Variants in AFG2A observed in about 807,000 individuals in gnomAD.
AFG2A encodes the protein AAA ATPase AFG2A.
At chr4:123,026,243 C>G in the AFG2A span, among the ~76,000 whole-genome samples, 1 of 152,024 alleles carries the variant, frequency 6.6e-6, no homozygotes, top group Admixed American at 6.6e-5. Context: ...TGCCAAGCAC[C>G]TGGCTGAGTG....
chr4:122,999,162 T>TGTTC, the AFG2A span, among the ~76,000 whole-genome samples: 1 of 122,724 alleles, frequency 8.1e-6, no homozygotes. Context: ...TGGGGTTGTT[T>TGTTC]TTTTCTTGTA....
At chr4:122,960,392 A>G in the AFG2A span, among the ~76,000 whole-genome samples, 2 of 152,326 alleles carry the variant, frequency 1.3e-5, no homozygotes, top group South Asian at 2.1e-4. Context: ...GCTTACAACA[A>G]TGTTTTCCAA....
the AFG2A span, chr4:122,927,810 A>G: frequency 6.3e-7 from 1 of 1,595,152 alleles, no homozygotes; most frequent in African/African-American, 1.4e-5. Context: ...GAACATTGCA[A>G]ATCCAAGAAT....
At chr4:123,027,515 T>G in the AFG2A span, among the ~76,000 whole-genome samples, 1 of 152,178 alleles carries the variant, frequency 6.6e-6, no homozygotes, top group East Asian at 1.9e-4. Context: ...CCAATGGCCT[T>G]TTCAGTTTGT....
chr4:123,027,262 C>T, the AFG2A span, among the ~76,000 whole-genome samples: 4 of 152,150 alleles, frequency 2.6e-5, no homozygotes, highest in African/African-American at 9.7e-5. Flanking sequence ...AAAGAATTCT[C>T]TTGAATTCCT....
chr4:123,058,502 G>C, the AFG2A span, among the ~76,000 whole-genome samples: 1 of 152,166 alleles, frequency 6.6e-6, no homozygotes, highest in African/African-American at 2.4e-5. Context: ...GTGGTTGCCT[G>C]TAATTCCAGC....
the AFG2A span, among the ~76,000 whole-genome samples, chr4:123,248,585 G>T: frequency 1.1e-4 from 17 of 152,136 alleles, no homozygotes; most frequent in Admixed American, 1.1e-3. Flanking sequence ...CCCTCTATCA[G>T]GTTTCTGTGC....
chr4:123,207,587 A>T, the AFG2A span, among the ~76,000 whole-genome samples: 2 of 152,050 alleles, frequency 1.3e-5, no homozygotes, highest in African/African-American at 2.4e-5. Flanking sequence ...AAAGTGCTGA[A>T]ATTACAGGTG....
chr4:123,277,627 C>G, the AFG2A span, among the ~76,000 whole-genome samples: 1 of 152,034 alleles, frequency 6.6e-6, no homozygotes, highest in African/African-American at 2.4e-5. Flanking sequence ...ATAGATGGCT[C>G]TTATTATTTT....
the AFG2A span, chr4:123,057,181 T>C: frequency 6.2e-7 from 1 of 1,612,526 alleles, no homozygotes; most frequent in South Asian, 1.1e-5. Flanking sequence ...TTGCTCATCT[T>C]TAGCTAATGT....
the AFG2A span, among the ~76,000 whole-genome samples, chr4:122,938,827 C>A: frequency 2.0e-5 from 3 of 151,966 alleles, no homozygotes; most frequent in Non-Finnish European, 4.4e-5. Flanking sequence ...GAACTCCTTA[C>A]CTTGTCATCT....
the AFG2A span, chr4:123,028,219 A>G: frequency 6.2e-7 from 1 of 1,614,154 alleles, no homozygotes; most frequent in South Asian, 1.1e-5. Flanking sequence ...ACTGGAAAGT[A>G]TCAAACTGAA....
chr4:123,135,310 A>G, the AFG2A span, among the ~76,000 whole-genome samples: 1 of 152,224 alleles, frequency 6.6e-6, no homozygotes. Flanking sequence ...CATACTCAAT[A>G]CTGAAGAGCT....
chr4:122,934,350 T>G, the AFG2A span: 2 of 1,614,216 alleles, frequency 1.2e-6, no homozygotes, highest in Non-Finnish European at 1.7e-6. Flanking sequence ...GTACTCCTTA[T>G]AAACCAATTG....
the AFG2A span, among the ~76,000 whole-genome samples, chr4:123,042,909 C>G: frequency 2.4e-4 from 37 of 152,206 alleles, no homozygotes; most frequent in Middle Eastern, 6.8e-3. Context: ...AGTCAGTTAC[C>G]TCTTAAAGAA....
At chr4:123,004,285 C>T in the AFG2A span, among the ~76,000 whole-genome samples, 1 of 152,230 alleles carries the variant, frequency 6.6e-6, no homozygotes, top group African/African-American at 2.4e-5. Context: ...CCTCGGCCTG[C>T]TTCGGCCGGC....
the AFG2A span, among the ~76,000 whole-genome samples, chr4:123,135,707 G>C: frequency 6.6e-6 from 1 of 152,150 alleles, no homozygotes; most frequent in Non-Finnish European, 1.5e-5. Flanking sequence ...ATCATTTAAA[G>C]TATATGGGAT....
chr4:123,059,259 C>T, the AFG2A span, among the ~76,000 whole-genome samples: 7 of 151,026 alleles, frequency 4.6e-5, no homozygotes, highest in Admixed American at 4.6e-4. Context: ...CCCATTAACT[C>T]GTCATTTAGC....
At chr4:122,923,441 T>C in the AFG2A span, 6 of 1,170,666 alleles carry the variant, frequency 5.1e-6, no homozygotes, top group East Asian at 1.2e-4. Flanking sequence ...CACAGAAGCG[T>C]GTAAGACTTC....
Sources: allele counts gnomAD v4.1 joint callset (sites outside exome capture counted in the v4.1 genomes callset), GRCh38; gene constraint gnomAD v4.1.1; transcripts MANE v1.5; gene names NCBI Gene and HGNC (gene_info 2026-07-23, HGNC 2026-07-21).